GALNT9: variants seen among roughly 807,000 people sequenced by gnomAD.
GALNT9 encodes GalNAc transferase 9.
In GALNT9, 47 loss-of-function variants were observed where a neutral mutation model predicts 63.1. That is an observed-to-expected ratio of 0.75 (90% CI 0.59 to 0.95). The LOEUF is 0.95. Among genes scored for constraint, GALNT9 ranks in the 40% least tolerant of loss-of-function variants. The pLI is 0.00. For missense variants in GALNT9, 829 were observed against 874.8 expected (o/e 0.95, Z 0.66); for synonymous variants, 396 against 365.7 (o/e 1.08, Z -0.94).
intron 6 of GALNT9, among the ~76,000 whole-genome samples, chr12:132,219,191 C>T (rs1216986931): frequency 6.6e-6 from 1 of 152,120 alleles, no homozygotes; most frequent in African/African-American, 2.4e-5. Flanking sequence ...TGCTTCTGTC[C>T]TCAAACAGAT....
At chr12:132,262,370 T>G in intron 3 of GALNT9, 89 bp downstream of exon 3, 1 of 1,455,318 alleles carries the variant, frequency 6.9e-7, no homozygotes, top group Non-Finnish European at 9.1e-7. Context: ...CCTCTGTCGC[T>G]CTGCCCCCGG....
rs546426237 is a variant in GALNT9 at position 132,213,258 on chromosome 12, C to T, written c.1078-9568G>A. Among the ~76,000 whole-genome samples, 229 of 55,232 alleles carry T rather than the reference C, an allele frequency of 4.1e-3. 3 individuals carry two copies. The highest frequency in any genetic ancestry group is 1.6e-3 in the Non-Finnish European group (38 of 23,354). The allele number at this position is 55,232 out of a possible 152,430, so 36.2% of individuals were successfully genotyped here. A position where few individuals can be genotyped will look rare whatever the true frequency, so the allele number is the denominator to read the frequency against. ...CAGACCTCGACACGGAAACCCCACCCGGGTCTGCAGCCTTCAGACCATGAC... is the reference window on the plus strand; with the variant it reads ...CAGACCTCGACACGGAAACCCCACCTGGGTCTGCAGCCTTCAGACCATGAC... On this transcript the variant is annotated intron_variant, in intron 6 of 10. Transcript: ENST00000328957.
rs1880569858 is a variant in GALNT9, at chr12:132,286,037, G to T, written c.419+213C>A. The stretch of plus-strand genomic sequence containing the variant: ...CAGGAGCCCGCAGCTCGTGGGGGCA[G>T]TCCCCGGCCAGCACGGGGGAGCGCT... On this transcript the variant is annotated intron_variant, in intron 2 of 10. Coordinates refer to ENST00000328957, the MANE Select transcript of GALNT9 (RefSeq NM_001122636.2). The surrounding 1 kb of genome is among the most constrained non-coding windows in gnomAD (Gnocchi z 7.4). Among the ~76,000 whole-genome samples the T allele has an allele frequency of 6.6e-6, 1 of 152,090 alleles. No homozygotes were observed. The highest frequency in any genetic ancestry group is 1.5e-5 in the Non-Finnish European group (1 of 67,982).
intron 8 of GALNT9, among the ~76,000 whole-genome samples, chr12:132,200,191 G>A (rs1304053689): frequency 6.6e-6 from 1 of 152,240 alleles, no homozygotes; most frequent in Non-Finnish European, 1.5e-5. Context: ...GGCTCAGCGA[G>A]GACCATCCAC....
rs117555977 is a variant in GALNT9, at chr12:132,240,775, G to C, written c.1077+7135C>G. ...ATCACCAGCAGAATTGGAATGTGCA[G>C]TATGATCTATACATGTTTACACACA... On this transcript the variant is annotated intron_variant, in intron 6 of 10. Coordinates refer to ENST00000328957, the MANE Select transcript of GALNT9 (RefSeq NM_001122636.2). The C allele has an allele frequency of 1.7e-4, 78 of 454,280 alleles. 1 individual carries two copies. The East Asian group carries it at 4.3e-3, about 25-fold the overall frequency. 28.1% of individuals were successfully genotyped at this position (454,280 alleles called of 1,614,324 possible).
rs369219176 is a variant in GALNT9 at position 132,199,281 on chromosome 12, A to G, written c.1402-12T>C. 4 of 1,587,198 alleles carry G rather than the reference A, an allele frequency of 2.5e-6. No homozygotes were observed. Among genetic ancestry groups the G allele is most frequent in the African/African-American group, 1.3e-5 (1 of 74,562 alleles). On this transcript the variant is annotated splice_polypyrimidine_tract_variant and intron_variant, in intron 8 of 10. Transcript: ENST00000328957. The stretch of plus-strand genomic sequence containing the variant: ...TTGCTGTTTCTCACCTGCAAGCAGA[A>G]GCCCCAGGAGAAAGTCCAGAGTCAC...
At chr12:132,289,717 C>T (rs1431028265) in intron 1 of GALNT9, among the ~76,000 whole-genome samples, 2 of 152,224 alleles carry the variant, frequency 1.3e-5, no homozygotes, top group African/African-American at 4.8e-5. Context: ...CGCTGCCATT[C>T]CCATCCTCCC....
chr12:132,282,422 C>CGT lies in GALNT9; in HGVS notation c.419+3826_419+3827dup, dbSNP rs1400635031. ...GTGTGCGCGTGTGTGCGTGTGTGTGCGTGTGTGCGTGCATGCGTGTGTGTG... is the reference window on the plus strand; with the variant it reads ...GTGTGCGCGTGTGTGCGTGTGTGTGCGTGTGTGTGCGTGCATGCGTGTGTGTG... On this transcript the variant is annotated intron_variant, in intron 2 of 10. Coordinates refer to ENST00000328957, the MANE Select transcript of GALNT9 (RefSeq NM_001122636.2). The surrounding 1 kb of genome is among the most constrained non-coding windows in gnomAD (Gnocchi z 4.5). Among the ~76,000 whole-genome samples the CGT allele has an allele frequency of 1.3e-5, 2 of 151,056 alleles. No homozygotes were observed. The highest frequency in any genetic ancestry group is 1.3e-4 in the Admixed American group (2 of 15,242).
intron 2 of GALNT9, chr12:132,275,647 A>G (rs1289663878): frequency 6.6e-6 from 1 of 152,266 alleles, no homozygotes; most frequent in Non-Finnish European, 1.5e-5. Flanking sequence ...ATTTTCTGTC[A>G]CTTGCTGTTG....
chr12:132,243,488 C>T (rs1307161162), intron 6 of GALNT9, among the ~76,000 whole-genome samples: 1 of 128,958 alleles, frequency 7.8e-6, no homozygotes, highest in Non-Finnish European at 1.7e-5. Context: ...AGGGCATCCA[C>T]TCTTTGGGGA....
chr12:132,233,575 C>T (rs1186168416), intron 6 of GALNT9, among the ~76,000 whole-genome samples: 1 of 6,670 alleles, frequency 1.5e-4, no homozygotes, highest in Non-Finnish European at 2.4e-4. Flanking sequence ...CTCGATGGGG[C>T]GACAGAGGAG....
intron 1 of GALNT9, among the ~76,000 whole-genome samples, chr12:132,300,682 A>G (rs1009683181): frequency 1.3e-5 from 2 of 150,894 alleles, no homozygotes; most frequent in African/African-American, 4.9e-5. Context: ...CACTCCTGAG[A>G]TAACTCACTC....
chr12:132,321,512 G>C (rs1868794992), intron 1 of GALNT9, among the ~76,000 whole-genome samples: 1 of 152,192 alleles, frequency 6.6e-6, no homozygotes, highest in African/African-American at 2.4e-5. Flanking sequence ...AGTGCAGCCA[G>C]CACCCTTCCG....
chr12:132,320,125 C>T (rs1472132219), intron 1 of GALNT9, among the ~76,000 whole-genome samples: 1 of 152,278 alleles, frequency 6.6e-6, no homozygotes, highest in Non-Finnish European at 1.5e-5. Context: ...CAGCGACATC[C>T]CCAAGTCCGT....
At chr12:132,210,508 C>T (rs1876908883) in intron 6 of GALNT9, among the ~76,000 whole-genome samples, 1 of 152,106 alleles carries the variant, frequency 6.6e-6, no homozygotes. Flanking sequence ...CTGAGTGGGG[C>T]CATGAGGCTT....
At chr12:132,326,979 C>A (rs1436414371) in intron 1 of GALNT9, among the ~76,000 whole-genome samples, 1 of 152,142 alleles carries the variant, frequency 6.6e-6, no homozygotes, top group Non-Finnish European at 1.5e-5. Flanking sequence ...TTTCCTGGGG[C>A]AAAGATTGAC....
chr12:132,314,020 TA>T (rs1868392186), intron 1 of GALNT9, among the ~76,000 whole-genome samples: 1 of 21,272 alleles, frequency 4.7e-5, no homozygotes, highest in East Asian at 2.5e-3. Flanking sequence ...CACCCACCCA[TA>T]CATCCATCCA....
intron 1 of GALNT9, among the ~76,000 whole-genome samples, chr12:132,318,118 T>C (rs1555245848): frequency 6.6e-6 from 1 of 152,152 alleles, no homozygotes; most frequent in African/African-American, 2.4e-5. Flanking sequence ...GGTGAGCACC[T>C]GTAATCCCAG....
At position 132,326,889 on chromosome 12, in the gene GALNT9, G is replaced by A. The variant is rs146262561; in HGVS notation, c.238+2077C>T. Reference sequence around the variant, plus strand: ...ATGCTGTTTCAAAGGGCCTCATGGCGACAGACATCAGGCCTCTACGGCACC... The same window carrying A: ...ATGCTGTTTCAAAGGGCCTCATGGCAACAGACATCAGGCCTCTACGGCACC... On this transcript the variant is annotated intron_variant, in intron 1 of 10. Coordinates refer to ENST00000328957, the MANE Select transcript of GALNT9 (RefSeq NM_001122636.2). Among the ~76,000 whole-genome samples the A allele has an allele frequency of 7.4e-4, 112 of 152,296 alleles. No individual in the cohort carries two copies. The Middle Eastern group carries it at 0.014, about 19-fold the overall frequency.
Sources: allele counts gnomAD v4.1 joint callset (sites outside exome capture counted in the v4.1 genomes callset), GRCh38; gene constraint gnomAD v4.1.1; non-coding constraint Gnocchi (gnomAD v3.1); transcripts MANE v1.5; gene names NCBI Gene and HGNC (gene_info 2026-07-23, HGNC 2026-07-21).